The following C9 variants were observed in gnomAD, a reference collection of about 807,000 sequenced individuals.
C9 encodes the protein complement component C9.
C9 carries 63 observed loss-of-function variants against 65.4 expected under a neutral mutation model. The observed-to-expected ratio is 0.96, with a 90% CI of 0.79 to 1.19. The LOEUF is 1.19. Ranked by LOEUF, C9 falls within the 50% of genes most tolerant of loss-of-function variation. The pLI, the probability that C9 is intolerant of heterozygous loss-of-function variation, is 0.00. For missense variants in C9, 744 were observed against 670.1 expected, an observed-to-expected ratio of 1.11 and a Z score of -1.22; for synonymous variants, 229 against 227.9, an observed-to-expected ratio of 1.00 and a Z score of -0.04.
intron 6 of C9, 32 bp from the exon 7 acceptor site, chr5:39,311,409 ATG>A (rs1350877368): frequency 6.2e-7 from 1 of 1,603,100 alleles, no homozygotes; most frequent in African/African-American, 1.3e-5. Context: ...GAAGAGAAAC[ATG>A]TGTTTTATCC....
intron 1 of C9, among the ~76,000 whole-genome samples, chr5:39,359,649 A>T (rs889621577): frequency 6.6e-6 from 1 of 152,192 alleles, no homozygotes; most frequent in Non-Finnish European, 1.5e-5. Context: ...TGGCAGCATT[A>T]TTGGAGCAAA....
chr5:39,348,894 C>T (rs1405874531), intron 1 of C9, among the ~76,000 whole-genome samples: 2 of 152,018 alleles, frequency 1.3e-5, no homozygotes, highest in African/African-American at 4.8e-5. Flanking sequence ...AGCTGGAAAC[C>T]ATCATTCTCA....
At chr5:39,291,625 T>C (rs190926208) in intron 9 of C9, among the ~76,000 whole-genome samples, 1 of 151,324 alleles carries the variant, frequency 6.6e-6, no homozygotes, top group East Asian at 1.9e-4. Flanking sequence ...CAGAGAAAAA[T>C]TGCTAAAAAA....
intron 1 of C9, among the ~76,000 whole-genome samples, chr5:39,347,177 TA>T (rs1488427735): frequency 1.3e-5 from 2 of 152,070 alleles, no homozygotes; most frequent in South Asian, 4.2e-4. Context: ...GCCAGGGCAA[TA>T]AGGCAGGAGA....
intron 1 of C9, among the ~76,000 whole-genome samples, chr5:39,357,329 G>A (rs983500067): frequency 1.3e-5 from 2 of 152,176 alleles, no homozygotes; most frequent in African/African-American, 2.4e-5. Flanking sequence ...CATGCAACTC[G>A]TCAAGATGAA....
At chr5:39,333,684 G>A (rs932738197) in intron 4 of C9, among the ~76,000 whole-genome samples, 10 of 126,886 alleles carry the variant, frequency 7.9e-5, no homozygotes, top group Admixed American at 1.8e-4. Flanking sequence ...CTGTACTGCC[G>A]CCATCTTGGC....
chr5:39,298,234 T>C (rs1393773309), intron 9 of C9, among the ~76,000 whole-genome samples: 4 of 150,980 alleles, frequency 2.6e-5, no homozygotes, highest in African/African-American at 9.7e-5. Flanking sequence ...CTAAAATCAA[T>C]AATAACAGCA....
At position 39,296,278 on chromosome 5, in the gene C9, G is replaced by A. The variant is rs555927076; in HGVS notation, c.1417-7327C>T. ...TATTTTCAAACTATGCATCTGACAG[G>A]AGACTAATATCCAGAATTTAGAAGG... On this transcript the variant is annotated intron_variant, in intron 9 of 10. Coordinates refer to ENST00000263408, the MANE Select transcript of C9 (RefSeq NM_001737.5). Among the ~76,000 whole-genome samples, 4 of 151,634 alleles carry A rather than the reference G, an allele frequency of 2.6e-5. 1 individual carries two copies. In the South Asian group the frequency reaches 8.3e-4, roughly 31 times the overall value.
intron 1 of C9, among the ~76,000 whole-genome samples, chr5:39,344,118 C>T (rs1219667101): frequency 6.6e-6 from 1 of 152,208 alleles, no homozygotes; most frequent in South Asian, 2.1e-4. Context: ...CAGAGCACCT[C>T]TCCCCCTCCA....
chr5:39,303,881 G>A (rs1753330338), intron 9 of C9, among the ~76,000 whole-genome samples: 1 of 152,124 alleles, frequency 6.6e-6, no homozygotes, highest in African/African-American at 2.4e-5. Flanking sequence ...TTTGCCTTGT[G>A]TTGAGACGGT....
At position 39,302,287 on chromosome 5, in the gene C9, T is replaced by A. The variant is rs559440485; in HGVS notation, c.1416+4330A>T. Among the ~76,000 whole-genome samples the A allele has an allele frequency of 2.0e-5, 3 of 152,264 alleles. No homozygotes were observed. In the South Asian group the frequency reaches 6.2e-4, roughly 32 times the overall value. On this transcript the variant is annotated intron_variant, in intron 9 of 10. Transcript: ENST00000263408. ...AATGATTTTACTTTTTCTCCTATAC[T>A]ACATAACTCTATCTTTCTACCATGT...
chr5:39,311,812 A>T (rs1273206701), intron 6 of C9, among the ~76,000 whole-genome samples: 1 of 152,228 alleles, frequency 6.6e-6, no homozygotes, highest in Non-Finnish European at 1.5e-5. Context: ...ATAAACAACC[A>T]TAGCATATTA....
chr5:39,340,642 A>G (rs775967136), intron 4 of C9, among the ~76,000 whole-genome samples: 1 of 152,182 alleles, frequency 6.6e-6, no homozygotes, highest in Non-Finnish European at 1.5e-5. Context: ...ACCTCAACAT[A>G]ATCATCCTCT....
intron 3 of C9, 109 bp from the exon 4 acceptor site, chr5:39,341,402 C>T: frequency 6.8e-7 from 1 of 1,462,160 alleles, no homozygotes; most frequent in Middle Eastern, 1.7e-4. Context: ...CAGAAAAACA[C>T]ATTTGAGTTC....
chr5:39,320,797 T>C (rs1298539899), intron 5 of C9, among the ~76,000 whole-genome samples: 1 of 152,148 alleles, frequency 6.6e-6, no homozygotes, highest in East Asian at 1.9e-4. Context: ...ACTCGTCACA[T>C]ATGAGGGAGC....
intron 7 of C9, 108 bp downstream of exon 7, chr5:39,311,029 T>C: frequency 2.4e-6 from 3 of 1,260,156 alleles, no homozygotes; most frequent in Admixed American, 1.7e-5. Context: ...AAGGAGCAGG[T>C]TACAGGGCTT....
At chr5:39,332,683 AC>A (rs1753866805) in intron 4 of C9, among the ~76,000 whole-genome samples, 1 of 152,236 alleles carries the variant, frequency 6.6e-6, no homozygotes, top group South Asian at 2.1e-4. Flanking sequence ...TTACCTTGGT[AC>A]AAAAACAAAA....
intron 1 of C9, among the ~76,000 whole-genome samples, chr5:39,360,750 T>A (rs10039988): frequency 0.052 from 7,769 of 150,650 alleles, 597 homozygotes; most frequent in East Asian, 0.2. Flanking sequence ...AAATACCTAT[T>A]TTTTTTTTAA....
chr5:39,333,905 A>C (rs1337509480), intron 4 of C9, among the ~76,000 whole-genome samples: 1 of 152,006 alleles, frequency 6.6e-6, no homozygotes, highest in Non-Finnish European at 1.5e-5. Flanking sequence ...GAGTCTCGTT[A>C]ACTCAGTGCT....
Sources: gnomAD v4.1 joint callset for allele counts (sites outside exome capture counted in the v4.1 genomes callset) on GRCh38, gnomAD v4.1.1 for gene constraint, MANE v1.5 for transcripts, NCBI Gene and HGNC (gene_info 2026-07-23, HGNC 2026-07-21) for gene names.